Variants in KHDRBS2 observed in about 807,000 individuals in gnomAD.
KHDRBS2 encodes KH domain-containing, RNA-binding, signal transduction-associated protein 2.
Under a neutral mutation model 44.3 loss-of-function variants are expected in KHDRBS2, and 26 were observed. That is an observed-to-expected ratio of 0.59 (90% CI 0.43 to 0.81). KHDRBS2 has a LOEUF of 0.81. Ranked by LOEUF, KHDRBS2 falls within the 40% of genes least tolerant of loss-of-function variation. The probability of loss-of-function intolerance (pLI) is 0.00; values close to 1 mark genes in which losing one functional copy is unlikely to be tolerated. For synonymous variants in KHDRBS2, 194 were observed against 151.1 expected (o/e 1.28, Z -2.08); for missense variants, 476 against 433.1 (o/e 1.10, Z -0.88).
At chr6:61,565,277 C>T in the KHDRBS2 span, among the ~76,000 whole-genome samples, 1 of 152,084 alleles carries the variant, frequency 6.6e-6, no homozygotes, top group African/African-American at 2.4e-5. Context: ...TTGAGTAAGA[C>T]AGCAAAAGCA....
intron 1 of KHDRBS2, among the ~76,000 whole-genome samples, chr6:62,277,027 G>C (rs559959234): frequency 6.6e-6 from 1 of 152,312 alleles, no homozygotes; most frequent in South Asian, 2.1e-4. Context: ...GTCTAGTACA[G>C]TGTCTGGCAA....
At chr6:61,948,909 T>G (rs1015446139) in intron 4 of KHDRBS2, among the ~76,000 whole-genome samples, 1 of 151,976 alleles carries the variant, frequency 6.6e-6, no homozygotes, top group African/African-American at 2.4e-5. Flanking sequence ...GCCCCACTTT[T>G]CAGATTTCCA....
intron 2 of KHDRBS2, among the ~76,000 whole-genome samples, chr6:62,073,529 T>C (rs1795682993): frequency 7.9e-6 from 1 of 125,964 alleles, no homozygotes; most frequent in Admixed American, 7.6e-5. Context: ...TTTTCTTTTT[T>C]CTTTTTTTTT....
chr6:62,165,753 T>A (rs1818554768), intron 2 of KHDRBS2, among the ~76,000 whole-genome samples: 1 of 152,008 alleles, frequency 6.6e-6, no homozygotes, highest in African/African-American at 2.4e-5. Context: ...TAGGTTGGAC[T>A]TGAACTTCTG....
intron 8 of KHDRBS2, among the ~76,000 whole-genome samples, chr6:61,689,655 C>A (rs889892881): frequency 6.6e-6 from 1 of 151,956 alleles, no homozygotes; most frequent in Non-Finnish European, 1.5e-5. Flanking sequence ...CTGCTGCACT[C>A]CCCTGAGCAT....
rs1166111205 is a variant in KHDRBS2, at chr6:62,047,997, A to G, written c.220-3T>C. 4 of 1,445,088 alleles carry G rather than the reference A, an allele frequency of 2.8e-6. No homozygotes were observed. Among genetic ancestry groups the G allele is most frequent in the Non-Finnish European group, 3.9e-6 (4 of 1,026,262 alleles). 89.5% of individuals were successfully genotyped at this position (1,445,088 alleles called of 1,614,324 possible). On this transcript the variant is annotated splice_region_variant and splice_polypyrimidine_tract_variant and intron_variant, in intron 2 of 8. Transcript: ENST00000281156. ...AGCAATTTCCCCACAAAATTGAACT[A>G]GGAAACAAAATCAATAGAATGTCTG...
chr6:61,795,117 G>T (rs374186143), intron 6 of KHDRBS2, among the ~76,000 whole-genome samples: 1 of 117,572 alleles, frequency 8.5e-6, no homozygotes. Flanking sequence ...CCAGCCTGGC[G>T]ACTGGCAACA....
At chr6:61,551,063 C>T in the KHDRBS2 span, among the ~76,000 whole-genome samples, 3 of 152,106 alleles carry the variant, frequency 2.0e-5, no homozygotes, top group South Asian at 4.1e-4. Context: ...CGTGAGTCAC[C>T]ATGCCCATCC....
the KHDRBS2 span, among the ~76,000 whole-genome samples, chr6:61,634,180 T>C: frequency 1.3e-5 from 2 of 151,932 alleles, no homozygotes; most frequent in Non-Finnish European, 2.9e-5. Flanking sequence ...GCAGTTCCTT[T>C]ATTTGTCAAC....
chr6:61,948,556 A>G (rs1351310385), intron 4 of KHDRBS2, among the ~76,000 whole-genome samples: 1 of 151,838 alleles, frequency 6.6e-6, no homozygotes, highest in African/African-American at 2.4e-5. Flanking sequence ...CTGTCACCCA[A>G]TTTCCTTTCT....
intron 1 of KHDRBS2, among the ~76,000 whole-genome samples, chr6:62,273,997 G>A (rs555757749): frequency 6.3e-4 from 96 of 151,934 alleles, no homozygotes; most frequent in Admixed American, 2.4e-3. Flanking sequence ...GTGCAGTGGC[G>A]CGATCTCAGC....
At chr6:61,957,906 G>A (rs971134459) in intron 4 of KHDRBS2, among the ~76,000 whole-genome samples, 15 of 151,762 alleles carry the variant, frequency 9.9e-5, no homozygotes, top group South Asian at 2.1e-4. Context: ...ATGTTTCCCC[G>A]GACACCCAGC....
intron 6 of KHDRBS2, among the ~76,000 whole-genome samples, chr6:61,834,403 A>T (rs1792322653): frequency 6.6e-6 from 1 of 152,132 alleles, no homozygotes; most frequent in African/African-American, 2.4e-5. Context: ...ATGTAAATGT[A>T]ATCACTTAGC....
chr6:61,839,367 G>A (rs1184134123), intron 6 of KHDRBS2, among the ~76,000 whole-genome samples: 2 of 151,636 alleles, frequency 1.3e-5, no homozygotes, highest in Non-Finnish European at 2.9e-5. Context: ...GATATGACCA[G>A]TAGCTAACCA....
chr6:61,983,148 T>G (rs959772153), intron 3 of KHDRBS2, among the ~76,000 whole-genome samples: 8 of 151,222 alleles, frequency 5.3e-5, no homozygotes, highest in African/African-American at 1.9e-4. Flanking sequence ...GAGAATTATG[T>G]GCATCAAATC....
intron 6 of KHDRBS2, among the ~76,000 whole-genome samples, chr6:61,852,486 C>T (rs1209026687): frequency 6.6e-6 from 1 of 151,758 alleles, no homozygotes. Context: ...ATCATTTGAA[C>T]CCGGGAGGCA....
chr6:61,794,253 C>A (rs948458679), intron 6 of KHDRBS2, among the ~76,000 whole-genome samples: 16 of 152,100 alleles, frequency 1.1e-4, no homozygotes, highest in Non-Finnish European at 1.6e-4. Context: ...CTGGGAAGTA[C>A]AATATTACCC....
the KHDRBS2 span, among the ~76,000 whole-genome samples, chr6:61,617,133 T>C: frequency 3.9e-5 from 6 of 152,298 alleles, no homozygotes; most frequent in South Asian, 1.2e-3. Flanking sequence ...ACTATTGGGA[T>C]TTAAAAATAT....
intron 6 of KHDRBS2, among the ~76,000 whole-genome samples, chr6:61,774,511 C>T (rs1458933132): frequency 3.3e-5 from 5 of 152,050 alleles, no homozygotes; most frequent in South Asian, 2.1e-4. Flanking sequence ...AACAGACAAA[C>T]AGAGAGCCAA....
Sources: gnomAD v4.1 joint callset for allele counts (sites outside exome capture counted in the v4.1 genomes callset) on GRCh38, gnomAD v4.1.1 for gene constraint, MANE v1.5 for transcripts, NCBI Gene and HGNC (gene_info 2026-07-23, HGNC 2026-07-21) for gene names.